Variants in NAP1L1 observed in about 807,000 individuals in gnomAD.
NAP1L1 encodes the protein nucleosome assembly protein 1 like 1.
A neutral mutation model predicts 58.9 loss-of-function variants in NAP1L1; 9 were observed. The observed-to-expected ratio is 0.15, with a 90% CI of 0.09 to 0.27. The LOEUF (loss-of-function observed/expected upper bound fraction) is 0.27. NAP1L1 is among the 10% of genes least tolerant of loss of function. NAP1L1 has a pLI of 1.00. For synonymous variants in NAP1L1, 130 were observed against 138.3 expected, an observed-to-expected ratio of 0.94 and a Z score of 0.42; for missense variants, 302 against 458.8, an observed-to-expected ratio of 0.66 and a Z score of 3.12.
Position 76,046,488 on chromosome 12 carries a change from TA to T in NAP1L1, c.*1940del, listed in dbSNP as rs34944241. The T allele has an allele frequency of 1.5e-3, 210 of 143,478 alleles. No homozygotes were observed. The highest frequency in any genetic ancestry group is 3.5e-3 in the Middle Eastern group (1 of 282). The allele number at this position is 143,478 out of a possible 1,614,324, so 8.9% of individuals were successfully genotyped here. On this transcript the variant is annotated 3_prime_UTR_variant, in exon 15 of 15. Coordinates refer to ENST00000618691, the MANE Select transcript of NAP1L1 (RefSeq NM_004537.7). ...AAGCTGCATTTCGATGAACTATGGT[TA>T]AAAAAAAAAAGCACATAGTGTCTAA...
At chr12:76,065,098 T>C (rs1477736998) in intron 4 of NAP1L1, among the ~76,000 whole-genome samples, 2 of 152,074 alleles carry the variant, frequency 1.3e-5, no homozygotes, top group African/African-American at 4.8e-5. Flanking sequence ...TACTCAACAA[T>C]GTAACAATAA....
chr12:76,039,367 CA>C lies in NAP1L1; in HGVS notation c.*9061del, dbSNP rs1273278566. ...ACCACTTGATAATAAACCAACTTGC[CA>C]AAGACAAAAAGTAGAATGAAAGTCT... On this transcript the variant is annotated 3_prime_UTR_variant, in exon 15 of 15. Coordinates refer to ENST00000618691, the MANE Select transcript of NAP1L1 (RefSeq NM_004537.7). The C allele has an allele frequency of 6.6e-6, 1 of 152,178 alleles. No individual in the cohort carries two copies. The highest frequency in any genetic ancestry group is 1.5e-5 in the Non-Finnish European group (1 of 68,110). The allele number at this position is 152,178 out of a possible 1,614,324, so 9.4% of individuals were successfully genotyped here.
chr12:76,050,459 A>G, intron 12 of NAP1L1, 72 bp downstream of exon 12: 1 of 1,502,886 alleles, frequency 6.7e-7, no homozygotes, highest in East Asian at 2.3e-5. Context: ...TAAAAACTAA[A>G]CTAATCTATT....
chr12:76,053,966 T>TTA (rs1948956973), intron 8 of NAP1L1, 57 bp from the exon 9 acceptor site: 3 of 1,510,330 alleles, frequency 2.0e-6, no homozygotes, highest in Non-Finnish European at 2.7e-6. Flanking sequence ...TTTCAGTACT[T>TTA]TAGTAAACAC....
Position 76,048,482 on chromosome 12 carries a change from C to G in NAP1L1, c.1141-18G>C, listed in dbSNP as rs774028904. On this transcript the variant is annotated intron_variant, in intron 14 of 14. Coordinates refer to ENST00000618691, the MANE Select transcript of NAP1L1 (RefSeq NM_004537.7). The stretch of plus-strand genomic sequence containing the variant: ...TGATCCTTCTGTTAAAGGAAAACAA[C>G]AAGTCAATCTATCTTCTTCTACCTG... 1.9e-6 allele frequency: 3 copies of G among 1,613,462 alleles called. No individual in the cohort carries two copies. The highest frequency in any genetic ancestry group is 1.7e-4 in the Middle Eastern group (1 of 6,034).
chr12:76,043,049 T>C lies in NAP1L1; in HGVS notation c.*5380A>G, dbSNP rs1948565778. The C allele has an allele frequency of 6.6e-6, 1 of 152,262 alleles. No homozygotes were observed. The highest frequency in any genetic ancestry group is 2.4e-5 in the African/African-American group (1 of 41,478). 9.4% of individuals were successfully genotyped at this position (152,262 alleles called of 1,614,324 possible). ...ATTTTTTTAAATAAAGCTTTTGTTC[T>C]TGGCTAAGTAAATTATCTTAACAGC... On this transcript the variant is annotated 3_prime_UTR_variant, in exon 15 of 15. Coordinates refer to ENST00000618691, the MANE Select transcript of NAP1L1 (RefSeq NM_004537.7).
chr12:76,048,374 G>A lies in NAP1L1; in HGVS notation c.*55C>T. 6.3e-7 allele frequency: 1 copy of A among 1,580,942 alleles called. No homozygotes were observed. The highest frequency in any genetic ancestry group is 8.7e-7 in the Non-Finnish European group (1 of 1,155,650). ...AACATAAGGCTGTAAGTAAATAAGA[G>A]TTGTGTTTAGGCTATTACAGTGCAG... On this transcript the variant is annotated 3_prime_UTR_variant, in exon 15 of 15. Coordinates refer to ENST00000618691, the MANE Select transcript of NAP1L1 (RefSeq NM_004537.7).
At chr12:76,059,639 T>G (rs1287425405) in intron 6 of NAP1L1, 159 bp downstream of exon 6, 2 of 577,458 alleles carry the variant, frequency 3.5e-6, no homozygotes, top group Non-Finnish European at 3.0e-6. Context: ...TTTTTAAAAA[T>G]AAAGTAATAG....
chr12:76,054,440 A>C (rs941889643), intron 8 of NAP1L1, among the ~76,000 whole-genome samples: 1 of 152,232 alleles, frequency 6.6e-6, no homozygotes, highest in Non-Finnish European at 1.5e-5. Context: ...AATAGAACTT[A>C]GTTTCAATTT....
Position 76,048,107 on chromosome 12 carries a change from A to G in NAP1L1, c.*322T>C. Reference sequence around the variant, plus strand: ...TTCTTCAAGGAAAAAATTACAAAAAAAAAAAAAAGGTATTTCCTTTAACAG... The same window carrying G: ...TTCTTCAAGGAAAAAATTACAAAAAGAAAAAAAAGGTATTTCCTTTAACAG... On this transcript the variant is annotated 3_prime_UTR_variant, in exon 15 of 15. Coordinates refer to ENST00000618691, the MANE Select transcript of NAP1L1 (RefSeq NM_004537.7). 1 of 299,332 alleles carries G rather than the reference A, an allele frequency of 3.3e-6. No homozygotes were observed. Among genetic ancestry groups the G allele is most frequent in the East Asian group, 5.8e-5 (1 of 17,266 alleles). 18.5% of individuals were successfully genotyped at this position (299,332 alleles called of 1,614,324 possible). A position where few individuals can be genotyped will look rare whatever the true frequency, so the allele number is the denominator to read the frequency against.
chr12:76,070,416 G>A (rs1231706381), intron 2 of NAP1L1, among the ~76,000 whole-genome samples: 2 of 152,142 alleles, frequency 1.3e-5, no homozygotes, highest in Non-Finnish European at 2.9e-5. Flanking sequence ...CCTATTTCTG[G>A]AAGAACTTTG....
chr12:76,041,699 T>C lies in NAP1L1; in HGVS notation c.*6730A>G, dbSNP rs922976068. On this transcript the variant is annotated 3_prime_UTR_variant, in exon 15 of 15. Coordinates refer to ENST00000618691, the MANE Select transcript of NAP1L1 (RefSeq NM_004537.7). Reference sequence around the variant, plus strand: ...GAGTTAGACACTAGTCCAGGCAACATAGTGAGAATCATCTCAAAGATAATA... The same window carrying C: ...GAGTTAGACACTAGTCCAGGCAACACAGTGAGAATCATCTCAAAGATAATA... The C allele has an allele frequency of 1.3e-5, 2 of 152,142 alleles. No individual in the cohort carries two copies. The highest frequency in any genetic ancestry group is 2.4e-5 in the African/African-American group (1 of 41,412). 9.4% of individuals were successfully genotyped at this position (152,142 alleles called of 1,614,324 possible).
chr12:76,070,348 T>C (rs1006519678), intron 2 of NAP1L1, among the ~76,000 whole-genome samples: 1 of 152,130 alleles, frequency 6.6e-6, no homozygotes, highest in African/African-American at 2.4e-5. Flanking sequence ...CCTCAGGTGA[T>C]CCTCCCACGT....
chr12:76,082,008 C>T (rs1282399244), intron 1 of NAP1L1, among the ~76,000 whole-genome samples: 1 of 152,094 alleles, frequency 6.6e-6, no homozygotes, highest in East Asian at 1.9e-4. Flanking sequence ...GATACATGTC[C>T]ATACAGGTGC....
In NAP1L1 at chr12:76,057,646, T is replaced by C. The variant is rs544220736; in HGVS notation, c.430-1485A>G. On this transcript the variant is annotated intron_variant, in intron 6 of 14. Transcript: ENST00000618691. ...ACTTTGAGTCCTTTATTGTGGAGTCTGTTCATTACCAATAGAGTACTGTGA... is the reference window on the plus strand; with the variant it reads ...ACTTTGAGTCCTTTATTGTGGAGTCCGTTCATTACCAATAGAGTACTGTGA... The C allele has an allele frequency of 1.0e-4, 145 of 1,403,728 alleles. 2 individuals carry two copies. The highest frequency in any genetic ancestry group is 1.0e-3 in the South Asian group (82 of 81,680). The allele number at this position is 1,403,728 out of a possible 1,614,324, so 87.0% of individuals were successfully genotyped here.
intron 13 of NAP1L1, 158 bp downstream of exon 13, chr12:76,049,598 A>G: frequency 6.6e-7 from 1 of 1,512,148 alleles, no homozygotes; most frequent in South Asian, 1.2e-5. Flanking sequence ...GAAACCTTAT[A>G]CATACATTGT....
chr12:76,066,746 T>TA (rs1217054893), intron 4 of NAP1L1, among the ~76,000 whole-genome samples: 1 of 152,102 alleles, frequency 6.6e-6, no homozygotes. Flanking sequence ...GTTTAATACT[T>TA]AAAGGCTTCC....
rs1292630338 is a variant in NAP1L1, at chr12:76,060,858, C to T, written c.207-579G>A. ...CTGTAGTCCCAGCACCTTGGGAAGCCGAGGCAGGTGGATTCCTTTAGCCCA... is the reference window on the plus strand; with the variant it reads ...CTGTAGTCCCAGCACCTTGGGAAGCTGAGGCAGGTGGATTCCTTTAGCCCA... On this transcript the variant is annotated intron_variant, in intron 4 of 14. Transcript: ENST00000618691. Among the ~76,000 whole-genome samples, 5 of 152,104 alleles carry T rather than the reference C, an allele frequency of 3.3e-5. No homozygotes were observed. The East Asian group carries it at 5.8e-4, about 18-fold the overall frequency.
At chr12:76,062,590 A>C (rs1009659786) in intron 4 of NAP1L1, among the ~76,000 whole-genome samples, 2 of 152,244 alleles carry the variant, frequency 1.3e-5, no homozygotes, top group African/African-American at 2.4e-5. Flanking sequence ...CAGACTGGGA[A>C]TGTTAAGTAT....
Sources: gnomAD v4.1 joint callset for allele counts (sites outside exome capture counted in the v4.1 genomes callset) on GRCh38, gnomAD v4.1.1 for gene constraint, MANE v1.5 for transcripts, NCBI Gene and HGNC (gene_info 2026-07-23, HGNC 2026-07-21) for gene names.